MBTPS2: variants seen among roughly 807,000 people sequenced by gnomAD.
MBTPS2 encodes membrane-bound transcription factor site-2 protease.
A neutral mutation model predicts 35.4 loss-of-function variants in MBTPS2; 2 were observed. The observed-to-expected ratio is 0.06, with a 90% confidence interval of 0.02 to 0.18. MBTPS2 has a LOEUF of 0.18. Among genes scored for constraint, MBTPS2 ranks in the 10% least tolerant of loss-of-function variants. MBTPS2 has a pLI of 1.00. For missense variants in MBTPS2, 244 were observed against 386.5 expected, an observed-to-expected ratio of 0.63 and a Z score of 3.09; for synonymous variants, 125 against 140.4, an observed-to-expected ratio of 0.89 and a Z score of 0.77.
At chrX:21,859,865 G>C (rs1019463363) in intron 5 of MBTPS2, among the ~76,000 whole-genome samples, 1 of 111,229 alleles carries the variant, frequency 9.0e-6, no homozygotes, top group Non-Finnish European at 1.9e-5. Flanking sequence ...GGCCAAGGTG[G>C]GTGGATCGTT....
Sources: gnomAD v4.1 joint callset for allele counts (sites outside exome capture counted in the v4.1 genomes callset) on GRCh38, gnomAD v4.1.1 for gene constraint, MANE v1.5 for transcripts, NCBI Gene and HGNC (gene_info 2026-07-23, HGNC 2026-07-21) for gene names.